Variants in MBD5 observed in about 807,000 individuals in gnomAD.
The protein encoded by MBD5 is methyl-CpG binding domain protein 5.
Under a neutral mutation model 117.3 loss-of-function variants are expected in MBD5, and 13 were observed. That is an observed-to-expected ratio of 0.11 (90% CI 0.07 to 0.18). The LOEUF (loss-of-function observed/expected upper bound fraction) is 0.18. Ranked by LOEUF, MBD5 falls within the 10% of genes least tolerant of loss-of-function variation. The pLI is 1.00. For synonymous variants in MBD5, 727 were observed against 766.4 expected (o/e 0.95, Z 0.85); for missense variants, 1,879 against 2,093.8 (o/e 0.90, Z 2.00).
At chr2:148,511,254 T>A (rs1682206061) in intron 13 of MBD5, among the ~76,000 whole-genome samples, 1 of 152,244 alleles carries the variant, frequency 6.6e-6, no homozygotes, top group Non-Finnish European at 1.5e-5. Flanking sequence ...AAGCTCATTC[T>A]GTTGACTTTC....
chr2:148,212,865 A>G (rs1699459809), intron 2 of MBD5, among the ~76,000 whole-genome samples: 1 of 152,130 alleles, frequency 6.6e-6, no homozygotes, highest in Non-Finnish European at 1.5e-5. Flanking sequence ...CAACAATTTT[A>G]ATTCTCTATC....
intron 1 of MBD5, among the ~76,000 whole-genome samples, chr2:148,091,505 A>G (rs1020420332): frequency 2.6e-5 from 4 of 152,204 alleles, no homozygotes; most frequent in Non-Finnish European, 2.9e-5. Flanking sequence ...ATAAAGCCAT[A>G]TGCTTACAGC....
chr2:148,059,246 T>A (rs1363902047), intron 1 of MBD5, among the ~76,000 whole-genome samples: 1 of 152,166 alleles, frequency 6.6e-6, no homozygotes, highest in African/African-American at 2.4e-5. Context: ...AATGGCTTTT[T>A]TAATATGAAA....
In MBD5 at chr2:148,458,393, A is replaced by G. The variant is rs1201134585; in HGVS notation, c.-366A>G. The G allele has an allele frequency of 3.8e-6, 2 of 525,064 alleles. No individual in the cohort carries two copies. Among genetic ancestry groups the G allele is most frequent in the Non-Finnish European group, 6.7e-6 (2 of 298,456 alleles). 32.5% of individuals were successfully genotyped at this position (525,064 alleles called of 1,614,324 possible). A position where few individuals can be genotyped will look rare whatever the true frequency, so the allele number is the denominator to read the frequency against. ...AAACAATAGAGATTGTCTTAGTACAACATCAAGGTTCAAGACAAATGTTGA... is the reference window on the plus strand; with the variant it reads ...AAACAATAGAGATTGTCTTAGTACAGCATCAAGGTTCAAGACAAATGTTGA... On this transcript the variant is annotated 5_prime_UTR_variant, in exon 5 of 14. Coordinates refer to ENST00000642680, the MANE Select transcript of MBD5 (RefSeq NM_001378120.1).
intron 3 of MBD5, among the ~76,000 whole-genome samples, chr2:148,338,591 G>A (rs1181103804): frequency 1.3e-5 from 2 of 152,170 alleles, no homozygotes; most frequent in Non-Finnish European, 2.9e-5. Context: ...GTGGGGAAAT[G>A]ACATTTCAGC....
intron 4 of MBD5, among the ~76,000 whole-genome samples, chr2:148,420,786 G>A (rs575072510): frequency 1.3e-5 from 2 of 152,080 alleles, no homozygotes; most frequent in Non-Finnish European, 2.9e-5. Context: ...GAGTACGGTG[G>A]TGCTATCTCT....
chr2:148,370,956 G>C (rs1187592933), intron 4 of MBD5, among the ~76,000 whole-genome samples: 1 of 152,070 alleles, frequency 6.6e-6, no homozygotes, highest in African/African-American at 2.4e-5. Flanking sequence ...AAATATATGA[G>C]TATATTTGAA....
At chr2:148,289,362 T>A (rs796951898) in intron 3 of MBD5, among the ~76,000 whole-genome samples, 24 of 152,290 alleles carry the variant, frequency 1.6e-4, no homozygotes, top group African/African-American at 5.3e-4. Context: ...GTTCTAGAGA[T>A]TTGGTAAGAC....
chr2:148,258,511 C>T (rs1211523645), intron 3 of MBD5, among the ~76,000 whole-genome samples: 2 of 152,110 alleles, frequency 1.3e-5, no homozygotes, highest in African/African-American at 4.8e-5. Flanking sequence ...GGCCTCCAAT[C>T]GTCCAGTGTC....
At chr2:148,200,000 T>C (rs1371537878) in intron 2 of MBD5, among the ~76,000 whole-genome samples, 1 of 152,202 alleles carries the variant, frequency 6.6e-6, no homozygotes, top group Non-Finnish European at 1.5e-5. Flanking sequence ...TATCTTATGA[T>C]AGAAAAATTC....
At chr2:148,135,334 C>T (rs929893909) in intron 1 of MBD5, among the ~76,000 whole-genome samples, 12 of 152,136 alleles carry the variant, frequency 7.9e-5, no homozygotes, top group Non-Finnish European at 1.6e-4. Flanking sequence ...CTATTTCTTT[C>T]CCCCTGAAGA....
chr2:148,174,433 G>A (rs919745054), intron 1 of MBD5, among the ~76,000 whole-genome samples: 14 of 151,876 alleles, frequency 9.2e-5, no homozygotes, highest in African/African-American at 4.8e-5. Context: ...TGCAGGCAAC[G>A]AAAACAAAAA....
At position 148,483,771 on chromosome 2, in the gene MBD5, C is replaced by T; in HGVS notation, c.3180C>T (p.Ser1060=). ...GCCCCCTGGGGAACCCTTTACCAAGCTTTGCAGGCAGTGACACTACTTTTA... is the reference window on the plus strand; with the variant it reads ...GCCCCCTGGGGAACCCTTTACCAAGTTTTGCAGGCAGTGACACTACTTTTA... ...LTSPLGNPLP[S]FAGSDTTFNP... Residue 1060 remains serine (S), a synonymous_variant, in exon 9 of 14, where the codon AGC becomes AGT. Coordinates refer to ENST00000642680, the MANE Select transcript of MBD5 (RefSeq NM_001378120.1). The T allele has an allele frequency of 6.4e-7, 1 of 1,550,614 alleles. No individual in the cohort carries two copies. The highest frequency in any genetic ancestry group is 8.7e-7 in the Non-Finnish European group (1 of 1,146,980).
At chr2:148,154,232 C>T (rs1697788242) in intron 1 of MBD5, among the ~76,000 whole-genome samples, 1 of 151,936 alleles carries the variant, frequency 6.6e-6, no homozygotes, top group Admixed American at 6.6e-5. Flanking sequence ...CTGGGGGGTG[C>T]CTCCCAGTTA....
chr2:148,303,702 T>A (rs576011929), intron 3 of MBD5, among the ~76,000 whole-genome samples: 1 of 152,318 alleles, frequency 6.6e-6, no homozygotes, highest in Non-Finnish European at 1.5e-5. Context: ...TATGGACAAT[T>A]TCATGTGGTT....
At chr2:148,419,125 G>T (rs970936584) in intron 4 of MBD5, among the ~76,000 whole-genome samples, 1 of 152,122 alleles carries the variant, frequency 6.6e-6, no homozygotes, top group Admixed American at 6.5e-5. Context: ...AATATGACTT[G>T]GGGAAGGGAC....
chr2:148,084,258 T>C (rs963493801), intron 1 of MBD5, among the ~76,000 whole-genome samples: 1 of 152,216 alleles, frequency 6.6e-6, no homozygotes, highest in Non-Finnish European at 1.5e-5. Flanking sequence ...CCTTGTGACA[T>C]GTCTAGTTAG....
At chr2:148,111,284 C>T (rs1696498552) in intron 1 of MBD5, among the ~76,000 whole-genome samples, 1 of 152,122 alleles carries the variant, frequency 6.6e-6, no homozygotes, top group Non-Finnish European at 1.5e-5. Flanking sequence ...TGGTAAACTC[C>T]AGAAGGAAAA....
intron 3 of MBD5, among the ~76,000 whole-genome samples, chr2:148,306,161 T>C (rs1418789358): frequency 6.6e-6 from 1 of 152,132 alleles, no homozygotes; most frequent in Non-Finnish European, 1.5e-5. Flanking sequence ...CGCCTACAGA[T>C]TTAAGTGAAT....
Sources: gnomAD v4.1 joint callset for allele counts (sites outside exome capture counted in the v4.1 genomes callset) on GRCh38, gnomAD v4.1.1 for gene constraint, MANE v1.5 for transcripts, NCBI Gene and HGNC (gene_info 2026-07-23, HGNC 2026-07-21) for gene names.